MTA1: variants seen among roughly 807,000 people sequenced by gnomAD.
MTA1 encodes metastasis-associated protein MTA1.
A neutral mutation model predicts 97.0 loss-of-function variants in MTA1; 15 were observed. The observed-to-expected ratio is 0.15, with a 90% CI of 0.10 to 0.24. MTA1 has a LOEUF of 0.24. Ranked by LOEUF, MTA1 falls within the 10% of genes least tolerant of loss-of-function variation. The pLI is 1.00. For missense variants in MTA1, 709 were observed against 1,015.1 expected, an observed-to-expected ratio of 0.70 and a Z score of 4.10; for synonymous variants, 435 against 417.5, an observed-to-expected ratio of 1.04 and a Z score of -0.51.
At chr14:105,449,960 G>A (rs2082859170) in intron 4 of MTA1, 98 bp from the exon 5 acceptor site, 1 of 1,545,486 alleles carries the variant, frequency 6.5e-7, no homozygotes, top group Non-Finnish European at 8.8e-7. Context: ...CCAGGACTGG[G>A]CCTCCTGCGT....
rs1179979843 is a variant in MTA1 at position 105,464,143 on chromosome 14, T to C, written c.1188T>C (p.Cys396=). Residue 396 remains cysteine (C), a synonymous_variant, in exon 13 of 21, where the codon TGT becomes TGC. Transcript: ENST00000331320. The stretch of plus-strand genomic sequence containing the variant: ...GGGCTGGCCGGGCCTGCGAGAGCTG[T>C]TACAGTAAGTGCCCTGGATGGCCGG... ...SPGAGRACES[C]YTTQSYQWYS... 2.7e-5 allele frequency: 43 copies of C among 1,608,632 alleles called. No individual in the cohort carries two copies. Among genetic ancestry groups the C allele is most frequent in the Non-Finnish European group, 3.6e-5 (42 of 1,178,636 alleles).
Position 105,463,398 on chromosome 14 carries a change from G to C in MTA1, c.1018-95G>C. 1 of 1,515,958 alleles carries C rather than the reference G, an allele frequency of 6.6e-7. No individual in the cohort carries two copies. The highest frequency in any genetic ancestry group is 9.1e-7 in the Non-Finnish European group (1 of 1,094,062). The allele number at this position is 1,515,958 out of a possible 1,614,324, so 93.9% of individuals were successfully genotyped here. On this transcript the variant is annotated intron_variant, in intron 11 of 20. Transcript: ENST00000331320. The surrounding 1 kb of genome is among the most constrained non-coding windows in gnomAD (Gnocchi z 5.9). ...AGTCCCTGGCCCGGCTGTCCTCTCC[G>C]TGGTGCTCTCCTCTCCGTAGCCTCC...
intron 18 of MTA1, chr14:105,467,002 GC>G: frequency 1.8e-6 from 1 of 560,730 alleles, no homozygotes; most frequent in Non-Finnish European, 3.2e-6. Flanking sequence ...TGGCCCTGGC[GC>G]CCCTGCCTGC....
intron 18 of MTA1, 167 bp downstream of exon 18, chr14:105,466,909 C>A: frequency 1.4e-6 from 1 of 702,648 alleles, no homozygotes; most frequent in Non-Finnish European, 2.3e-6. Flanking sequence ...TCACTGGTCC[C>A]TTGGTGAAGA....
At chr14:105,465,266 C>A in intron 16 of MTA1, 83 bp downstream of exon 16, 1 of 1,241,200 alleles carries the variant, frequency 8.1e-7, no homozygotes, top group Non-Finnish European at 1.1e-6. Context: ...GTGCTCCCAG[C>A]CTTCTCTAGC....
At position 105,420,606 on chromosome 14, in the gene MTA1, C is replaced by G. The variant is rs953365659; in HGVS notation, c.28+543C>G. ...CAGGGATCCCTCAGGGGGTCTTCAG[C>G]AGGGAGCGAGCATCCCGAGCACGCC... On this transcript the variant is annotated intron_variant, in intron 1 of 20. Coordinates refer to ENST00000331320, the MANE Select transcript of MTA1 (RefSeq NM_004689.4). The surrounding 1 kb of genome is among the most constrained non-coding windows in gnomAD (Gnocchi z 5.3). Among the ~76,000 whole-genome samples, 6 of 152,202 alleles carry G rather than the reference C, an allele frequency of 3.9e-5. No homozygotes were observed. The highest frequency in any genetic ancestry group is 1.4e-4 in the African/African-American group (6 of 41,468).
Position 105,464,884 on chromosome 14 carries a change from G to A in MTA1, c.1534+21G>A, listed in dbSNP as rs781961351. The stretch of plus-strand genomic sequence containing the variant: ...CGAGTGTGAGTCACCCCAACGCCCC[G>A]CTTACTCTGTTCCTGCGGGTGGTGG... On this transcript the variant is annotated intron_variant, in intron 15 of 20. Transcript: ENST00000331320. 2.5e-5 allele frequency: 38 copies of A among 1,543,198 alleles called. 1 individual carries two copies. The highest frequency in any genetic ancestry group is 4.1e-5 in the African/African-American group (3 of 73,006).
intron 2 of MTA1, among the ~76,000 whole-genome samples, chr14:105,443,118 C>T (rs1474142381): frequency 1.3e-5 from 2 of 152,174 alleles, no homozygotes; most frequent in African/African-American, 2.4e-5. Context: ...CTGTCAGGGA[C>T]ACAGGAGCCA....
chr14:105,431,189 A>C (rs968450559), intron 1 of MTA1, among the ~76,000 whole-genome samples: 1 of 152,160 alleles, frequency 6.6e-6, no homozygotes, highest in Non-Finnish European at 1.5e-5. Flanking sequence ...CAGCCTCCCG[A>C]GTAGCTGGGA....
intron 2 of MTA1, among the ~76,000 whole-genome samples, chr14:105,442,005 G>A (rs144319140): frequency 8.5e-5 from 13 of 152,254 alleles, no homozygotes; most frequent in Admixed American, 2.6e-4. Context: ...TGAGGATACC[G>A]CACAGAAGAT....
At chr14:105,436,429 C>T (rs1306944255) in intron 1 of MTA1, among the ~76,000 whole-genome samples, 1 of 152,186 alleles carries the variant, frequency 6.6e-6, no homozygotes. Context: ...TTTACGTGTA[C>T]AGTTCCGTGA....
chr14:105,420,115 C>T lies in MTA1; in HGVS notation c.28+52C>T. The T allele has an allele frequency of 2.2e-6, 2 of 929,684 alleles. No homozygotes were observed. The highest frequency in any genetic ancestry group is 2.6e-6 in the Non-Finnish European group (2 of 772,860). 57.6% of individuals were successfully genotyped at this position (929,684 alleles called of 1,614,324 possible). On this transcript the variant is annotated intron_variant, in intron 1 of 20. Transcript: ENST00000331320. The surrounding 1 kb of genome is among the most constrained non-coding windows in gnomAD (Gnocchi z 5.3). ...GCCCCGACCCGCCCGCAGCCCCCAC[C>T]CGCCGCCGCTGCCGCCTCCCCCGCC... is the stretch of plus-strand genomic sequence containing the variant.
intron 18 of MTA1, chr14:105,467,528 C>A: frequency 2.2e-6 from 1 of 455,138 alleles, no homozygotes; most frequent in Admixed American, 2.4e-5. Flanking sequence ...GTCAGCACGC[C>A]GGCTGCAGCG....
intron 1 of MTA1, among the ~76,000 whole-genome samples, chr14:105,429,348 C>T (rs1470379629): frequency 2.0e-5 from 3 of 152,154 alleles, no homozygotes; most frequent in East Asian, 3.9e-4. Context: ...TGCGGTGGCA[C>T]GATCTCGGCT....
chr14:105,460,466 G>T lies in MTA1; in HGVS notation c.753+9G>T. The T allele has an allele frequency of 6.2e-7, 1 of 1,603,684 alleles. No individual in the cohort carries two copies. Among genetic ancestry groups the T allele is most frequent in the East Asian group, 2.2e-5 (1 of 44,662 alleles). On this transcript the variant is annotated intron_variant, in intron 9 of 20. Coordinates refer to ENST00000331320, the MANE Select transcript of MTA1 (RefSeq NM_004689.4). ...CCCGAGACATCACCCTGGTAAGTGG[G>T]CCCAGGGCGGGACAGGTGAGACCTG...
chr14:105,428,963 G>A (rs2082091839), intron 1 of MTA1, among the ~76,000 whole-genome samples: 1 of 152,154 alleles, frequency 6.6e-6, no homozygotes, highest in Admixed American at 6.5e-5. Context: ...GGCCTCAAGT[G>A]ATCCTCCTGC....
At chr14:105,449,514 T>C in intron 4 of MTA1, 105 bp downstream of exon 4, 1 of 1,283,660 alleles carries the variant, frequency 7.8e-7, no homozygotes, top group Non-Finnish European at 1.1e-6. Flanking sequence ...CCTGCATGCC[T>C]GTGCCCTGCG....
chr14:105,429,437 C>T (rs2141424815), intron 1 of MTA1, among the ~76,000 whole-genome samples: 1 of 151,178 alleles, frequency 6.6e-6, no homozygotes, highest in East Asian at 2.0e-4. Context: ...AGGCACCCAC[C>T]ACCACACCCG....
chr14:105,452,657 G>A (rs1555428993), intron 6 of MTA1, among the ~76,000 whole-genome samples: 1 of 152,186 alleles, frequency 6.6e-6, no homozygotes, highest in African/African-American at 2.4e-5. Context: ...ACTCTATCTT[G>A]GGTGATAGAG....
Sources: allele counts gnomAD v4.1 joint callset (sites outside exome capture counted in the v4.1 genomes callset), GRCh38; gene constraint gnomAD v4.1.1; non-coding constraint Gnocchi (gnomAD v3.1); transcripts MANE v1.5; gene names NCBI Gene and HGNC (gene_info 2026-07-23, HGNC 2026-07-21).